The following ITPR2 variants were observed in gnomAD, a reference collection of about 807,000 sequenced individuals.
ITPR2 encodes the protein inositol 1,4,5-trisphosphate-gated calcium channel ITPR2.
ITPR2 carries 207 observed loss-of-function variants against 317.1 expected under a neutral mutation model. That is an observed-to-expected ratio of 0.65 (90% CI 0.58 to 0.73). The LOEUF is 0.73. ITPR2 is among the 30% of genes least tolerant of loss of function. The pLI is 0.00. For synonymous variants in ITPR2, 1,156 were observed against 1,149.1 expected, an observed-to-expected ratio of 1.01 and a Z score of -0.12; for missense variants, 2,613 against 3,284.0, an observed-to-expected ratio of 0.80 and a Z score of 4.99.
intron 34 of ITPR2, among the ~76,000 whole-genome samples, chr12:26,569,571 GAAA>G (rs1945102326): frequency 7.1e-6 from 1 of 141,344 alleles, no homozygotes; most frequent in Non-Finnish European, 1.6e-5. Context: ...AAAAAAATCA[GAAA>G]AGAAAAAAAG....
At chr12:26,724,821 G>A in intron 3 of ITPR2, 79 bp from the exon 4 acceptor site, 1 of 870,574 alleles carries the variant, frequency 1.1e-6, no homozygotes. Context: ...TTTTTTTTAG[G>A]AACAAGACTA....
chr12:26,526,143 CT>C (rs1244178921), intron 37 of ITPR2, among the ~76,000 whole-genome samples: 1 of 152,208 alleles, frequency 6.6e-6, no homozygotes, highest in African/African-American at 2.4e-5. Context: ...GTGATATGCA[CT>C]GCAGCTAGAG....
chr12:26,625,730 T>A (rs958379121), intron 23 of ITPR2, among the ~76,000 whole-genome samples: 53 of 152,280 alleles, frequency 3.5e-4, no homozygotes, highest in African/African-American at 1.3e-3. Context: ...GAGTGATAAA[T>A]GGGAGGATAA....
intron 35 of ITPR2, among the ~76,000 whole-genome samples, chr12:26,556,842 G>T (rs1305684262): frequency 6.6e-6 from 1 of 151,724 alleles, no homozygotes; most frequent in African/African-American, 2.4e-5. Flanking sequence ...ACTTTGGGAG[G>T]CCAAGGCAGG....
At chr12:26,354,624 T>G (rs1938575856) in intron 55 of ITPR2, among the ~76,000 whole-genome samples, 1 of 152,172 alleles carries the variant, frequency 6.6e-6, no homozygotes, top group Admixed American at 6.5e-5. Context: ...TCCATTGTCT[T>G]CAAAATTCTA....
chr12:26,601,732 A>C (rs537853209), intron 28 of ITPR2, among the ~76,000 whole-genome samples: 2 of 152,352 alleles, frequency 1.3e-5, no homozygotes, highest in South Asian at 4.1e-4. Context: ...CTGCTCCACA[A>C]AATACCTATT....
At chr12:26,497,859 C>T (rs1423395868) in intron 37 of ITPR2, among the ~76,000 whole-genome samples, 2 of 151,982 alleles carry the variant, frequency 1.3e-5, no homozygotes, top group African/African-American at 2.4e-5. Flanking sequence ...TACAGGCACA[C>T]ACCACCACGC....
At chr12:26,361,806 G>A (rs539215100) in intron 55 of ITPR2, among the ~76,000 whole-genome samples, 27 of 152,268 alleles carry the variant, frequency 1.8e-4, no homozygotes, top group African/African-American at 5.8e-4. Flanking sequence ...AATGTATAAC[G>A]TGAGGTTGAA....
intron 45 of ITPR2, among the ~76,000 whole-genome samples, chr12:26,450,994 T>C (rs548721343): frequency 7.9e-5 from 12 of 152,304 alleles, no homozygotes; most frequent in Admixed American, 6.5e-4. Context: ...TTAATTCTTG[T>C]CCTTCTTTCT....
At chr12:26,595,690 G>T (rs1289452320) in intron 31 of ITPR2, 100 bp from the exon 32 acceptor site, 4 of 917,012 alleles carry the variant, frequency 4.4e-6, no homozygotes, top group Non-Finnish European at 6.4e-6. Flanking sequence ...AGTTTTTATG[G>T]TAGATCATAG....
chr12:26,811,411 C>T (rs1401568723), intron 1 of ITPR2, among the ~76,000 whole-genome samples: 1 of 151,502 alleles, frequency 6.6e-6, no homozygotes, highest in East Asian at 1.9e-4. Context: ...GAGATCGAGA[C>T]CATCCTGGCT....
intron 1 of ITPR2, among the ~76,000 whole-genome samples, chr12:26,793,147 G>C (rs925852262): frequency 1.3e-5 from 2 of 152,070 alleles, no homozygotes; most frequent in Non-Finnish European, 2.9e-5. Flanking sequence ...CCACCAGTAG[G>C]GCAGTTAACT....
chr12:26,541,734 A>G (rs944551832), intron 37 of ITPR2, among the ~76,000 whole-genome samples: 2 of 152,206 alleles, frequency 1.3e-5, no homozygotes, highest in South Asian at 2.1e-4. Flanking sequence ...ACACATGCAT[A>G]TTTGATGTAG....
chr12:26,652,496 G>A (rs1381767836), intron 21 of ITPR2, among the ~76,000 whole-genome samples: 1 of 152,200 alleles, frequency 6.6e-6, no homozygotes, highest in Non-Finnish European at 1.5e-5. Flanking sequence ...TGTAGTGGAT[G>A]TTGTAGTGGA....
intron 37 of ITPR2, among the ~76,000 whole-genome samples, chr12:26,541,865 G>C (rs1223248141): frequency 6.6e-6 from 1 of 151,258 alleles, no homozygotes; most frequent in East Asian, 1.9e-4. Flanking sequence ...GTTAACTCAG[G>C]AGTCAGTATA....
chr12:26,687,264 G>A (rs1337306475), intron 10 of ITPR2, among the ~76,000 whole-genome samples: 1 of 152,186 alleles, frequency 6.6e-6, no homozygotes, highest in Non-Finnish European at 1.5e-5. Context: ...AGATTAATGA[G>A]TATGTGTTTT....
intron 42 of ITPR2, among the ~76,000 whole-genome samples, chr12:26,483,084 G>A (rs1302364540): frequency 6.6e-6 from 1 of 152,058 alleles, no homozygotes; most frequent in African/African-American, 2.4e-5. Context: ...ATATATCCTT[G>A]ATATCCCAGA....
At position 26,833,107 on chromosome 12, in the gene ITPR2, C is replaced by T. The variant is rs1021224311; in HGVS notation, c.-326G>A. On this transcript the variant is annotated 5_prime_UTR_variant, in exon 1 of 57. Transcript: ENST00000381340. Reference sequence around the variant, plus strand: ...TCTCTCCAACACCTTTGCTCCTCCTCCTCCTCCTTCCCTCTCCGCTCCCCA... The same window carrying T: ...TCTCTCCAACACCTTTGCTCCTCCTTCTCCTCCTTCCCTCTCCGCTCCCCA... 5 of 291,450 alleles carry T rather than the reference C, an allele frequency of 1.7e-5. No individual in the cohort carries two copies. The highest frequency in any genetic ancestry group is 3.2e-5 in the Non-Finnish European group (5 of 157,552). 18.1% of individuals were successfully genotyped at this position (291,450 alleles called of 1,614,324 possible). A position where few individuals can be genotyped will look rare whatever the true frequency, so the allele number is the denominator to read the frequency against.
intron 2 of ITPR2, among the ~76,000 whole-genome samples, chr12:26,738,254 C>A (rs951763033): frequency 6.6e-6 from 1 of 152,162 alleles, no homozygotes; most frequent in Non-Finnish European, 1.5e-5. Context: ...AGAGTCTGTT[C>A]TTTTATACAC....
Sources: gnomAD v4.1 joint callset for allele counts (sites outside exome capture counted in the v4.1 genomes callset) on GRCh38, gnomAD v4.1.1 for gene constraint, MANE v1.5 for transcripts, NCBI Gene and HGNC (gene_info 2026-07-23, HGNC 2026-07-21) for gene names.